The following AOAH variants were observed in gnomAD, a reference collection of about 807,000 sequenced individuals.
The protein encoded by AOAH is acyloxyacyl hydrolase, also known as acyloxyacyl hydrolase (neutrophil).
A neutral mutation model predicts 92.2 loss-of-function variants in AOAH; 64 were observed. That is an observed-to-expected ratio of 0.69 (90% confidence interval 0.57 to 0.86). The LOEUF (loss-of-function observed/expected upper bound fraction) is 0.86. AOAH is among the 40% of genes least tolerant of loss of function. The pLI is 0.00. For missense variants in AOAH, 656 were observed against 694.6 expected (o/e 0.94, Z 0.62); for synonymous variants, 263 against 254.5 (o/e 1.03, Z -0.32).
chr7:36,575,396 T>C (rs1242213116), intron 13 of AOAH, among the ~76,000 whole-genome samples: 2 of 152,152 alleles, frequency 1.3e-5, no homozygotes, highest in African/African-American at 4.8e-5. Context: ...GCTGCTACGG[T>C]GTGAATATTA....
chr7:36,687,995 C>T (rs1184944294), intron 1 of AOAH, among the ~76,000 whole-genome samples: 2 of 152,198 alleles, frequency 1.3e-5, no homozygotes, highest in Non-Finnish European at 2.9e-5. Flanking sequence ...GTTCTGTCCC[C>T]TCTCTCTGGA....
At chr7:36,553,606 G>T (rs1036186990) in intron 13 of AOAH, among the ~76,000 whole-genome samples, 2 of 152,134 alleles carry the variant, frequency 1.3e-5, no homozygotes, top group African/African-American at 4.8e-5. Flanking sequence ...CCCACCAACA[G>T]TGTAAAAGTG....
chr7:36,513,255 G>T lies in AOAH; in HGVS notation c.1725C>A (p.His575Gln), dbSNP rs1790148043. Residue 575 changes from histidine to glutamine, a missense_variant, in exon 21 of 21, where the codon CAC becomes CAA. His to Gln is a conservative substitution (Grantham distance 24). Transcript: ENST00000617537. ...IKQVFGDQGGH is the reference protein window; with the variant it reads ...IKQVFGDQGGQ ...GGGGTGCATGCTCCTGAGAGGCTCAGTGCCCGCCTTGGTCTCCAAACACCT... is the reference window on the plus strand; with the variant it reads ...GGGGTGCATGCTCCTGAGAGGCTCATTGCCCGCCTTGGTCTCCAAACACCT... 1 of 1,614,212 alleles carries T rather than the reference G, an allele frequency of 6.2e-7. No homozygotes were observed. The highest frequency in any genetic ancestry group is 8.5e-7 in the Non-Finnish European group (1 of 1,180,026).
At chr7:36,518,416 T>C (rs957613999) in intron 20 of AOAH, among the ~76,000 whole-genome samples, 4 of 152,164 alleles carry the variant, frequency 2.6e-5, no homozygotes, top group African/African-American at 9.7e-5. Flanking sequence ...GTGCATGGTA[T>C]GCCATCAGAT....
intron 3 of AOAH, among the ~76,000 whole-genome samples, chr7:36,668,781 C>T (rs572402762): frequency 6.6e-6 from 1 of 152,336 alleles, no homozygotes; most frequent in South Asian, 2.1e-4. Flanking sequence ...GCCATCACAC[C>T]CAGCCCTGAT....
intron 1 of AOAH, among the ~76,000 whole-genome samples, chr7:36,706,753 T>A (rs754285762): frequency 1.3e-5 from 2 of 152,212 alleles, no homozygotes; most frequent in Non-Finnish European, 2.9e-5. Flanking sequence ...CATGTGTTCC[T>A]TCACCTTGCA....
intron 16 of AOAH, among the ~76,000 whole-genome samples, chr7:36,539,382 A>C (rs913533624): frequency 2.9e-4 from 44 of 152,174 alleles, no homozygotes; most frequent in African/African-American, 1.0e-3. Context: ...GCCTCTTCTT[A>C]TAGATGCTCA....
chr7:36,613,323 T>G (rs572865724), intron 11 of AOAH, among the ~76,000 whole-genome samples: 6 of 152,288 alleles, frequency 3.9e-5, no homozygotes, highest in African/African-American at 1.4e-4. Flanking sequence ...CCCTCGTTGT[T>G]GGTTTGTTGG....
intron 20 of AOAH, among the ~76,000 whole-genome samples, chr7:36,517,224 C>CTTTCTTTCTTTCTTTT (rs1229778638): frequency 2.1e-5 from 1 of 47,658 alleles, no homozygotes; most frequent in Non-Finnish European, 5.6e-5. Context: ...CTCTTTCTTT[C>CTTTCTTTCTTTCTTTT]TGTCTCTCTC....
chr7:36,638,773 A>T (rs1042016164), intron 4 of AOAH, among the ~76,000 whole-genome samples: 2 of 152,156 alleles, frequency 1.3e-5, no homozygotes, highest in African/African-American at 2.4e-5. Context: ...GGCTGCTAAG[A>T]GTGCGTGTTG....
At chr7:36,714,354 A>G (rs1160739353) in intron 1 of AOAH, among the ~76,000 whole-genome samples, 4 of 152,186 alleles carry the variant, frequency 2.6e-5, no homozygotes, top group African/African-American at 9.7e-5. Context: ...CAACCAAAAA[A>G]AGTCCAGGAC....
intron 12 of AOAH, among the ~76,000 whole-genome samples, chr7:36,591,941 A>C (rs139879542): frequency 0.011 from 1,742 of 152,292 alleles, 30 homozygotes; most frequent in African/African-American, 0.039. Context: ...TCATTCCTTG[A>C]GTGACTCCAG....
chr7:36,687,971 G>A (rs1205244276), intron 1 of AOAH, among the ~76,000 whole-genome samples: 1 of 152,206 alleles, frequency 6.6e-6, no homozygotes, highest in Non-Finnish European at 1.5e-5. Context: ...ATCTGATGGT[G>A]TTTTGGCCTC....
chr7:36,604,892 A>T (rs1168150449), intron 11 of AOAH, among the ~76,000 whole-genome samples: 1 of 152,230 alleles, frequency 6.6e-6, no homozygotes, highest in Non-Finnish European at 1.5e-5. Flanking sequence ...TGTTACCAAC[A>T]TGAGACCATG....
chr7:36,577,546 C>A (rs1788602586), intron 12 of AOAH, among the ~76,000 whole-genome samples: 1 of 152,100 alleles, frequency 6.6e-6, no homozygotes, highest in South Asian at 2.1e-4. Flanking sequence ...GAATCTAATA[C>A]TAATAAACAC....
At chr7:36,549,727 G>T (rs1388808846) in intron 13 of AOAH, among the ~76,000 whole-genome samples, 1 of 152,034 alleles carries the variant, frequency 6.6e-6, no homozygotes, top group East Asian at 1.9e-4. Context: ...TGGATTCATG[G>T]GTCTTCAGAC....
At chr7:36,607,801 G>C (rs115322257) in intron 11 of AOAH, among the ~76,000 whole-genome samples, 1,667 of 152,298 alleles carry the variant, frequency 0.011, 40 homozygotes, top group African/African-American at 0.038. Flanking sequence ...GAGACTTGCG[G>C]TGGAGGGAGA....
chr7:36,651,657 T>C (rs1388240768), intron 4 of AOAH, among the ~76,000 whole-genome samples: 1 of 152,214 alleles, frequency 6.6e-6, no homozygotes, highest in Non-Finnish European at 1.5e-5. Flanking sequence ...ATTCTGAATG[T>C]GCTCCAGAAT....
At position 36,533,929 on chromosome 7, in the gene AOAH, A is replaced by G. The variant is rs372488211; in HGVS notation, c.1307-1585T>C. On this transcript the variant is annotated intron_variant, in intron 16 of 20. Transcript: ENST00000617537. ...TGGTGCCTGGTGCCATCTTGTCGCT[A>G]TGTTGGAACTGGGGCCTCATAGTGA... is the stretch of plus-strand genomic sequence containing the variant. 2.9e-4 allele frequency among the ~76,000 whole-genome samples: 44 copies of G among 152,016 alleles called. No individual in the cohort carries two copies. The East Asian group carries it at 3.7e-3, about 13-fold the overall frequency.
Sources: gnomAD v4.1 joint callset for allele counts (sites outside exome capture counted in the v4.1 genomes callset) on GRCh38, gnomAD v4.1.1 for gene constraint, MANE v1.5 for transcripts, NCBI Gene and HGNC (gene_info 2026-07-23, HGNC 2026-07-21) for gene names.